KPNA7: variants seen among roughly 807,000 people sequenced by gnomAD.
KPNA7 encodes the protein importin subunit alpha-8.
KPNA7 carries 54 observed loss-of-function variants against 53.7 expected under a neutral mutation model. The ratio of observed to expected loss-of-function variants is 1.01; its 90% CI spans 0.81 to 1.26. KPNA7 has a LOEUF of 1.26. Among genes scored for constraint, KPNA7 ranks in the 50% most tolerant of loss-of-function variants. The probability of loss-of-function intolerance (pLI) is 0.00; values close to 1 mark genes in which losing one functional copy is unlikely to be tolerated. For synonymous variants in KPNA7, 276 were observed against 259.3 expected (o/e 1.06, Z -0.62); for missense variants, 640 against 644.5 (o/e 0.99, Z 0.07).
chr7:99,168,614 G>T (rs542130872), downstream of KPNA7, among the ~76,000 whole-genome samples: 2 of 152,182 alleles, frequency 1.3e-5, no homozygotes. Flanking sequence ...GGGCTCAAGT[G>T]ATCCTCCCAC....
the KPNA7 span, among the ~76,000 whole-genome samples, chr7:99,154,569 G>T: frequency 6.9e-6 from 1 of 144,164 alleles, no homozygotes; most frequent in African/African-American, 2.6e-5. Flanking sequence ...TCGCTCTGTC[G>T]CCCAGGCTGG....
intron 6 of KPNA7, 30 bp downstream of exon 6, chr7:99,192,989 A>G: frequency 6.9e-7 from 1 of 1,440,370 alleles, no homozygotes; most frequent in Non-Finnish European, 9.3e-7. Flanking sequence ...TAATTTAAAA[A>G]AAAAAAAAGA....
At chr7:99,192,932 G>T in intron 6 of KPNA7, 87 bp downstream of exon 6, 1 of 923,122 alleles carries the variant, frequency 1.1e-6, no homozygotes, top group Non-Finnish European at 1.6e-6. Context: ...AGACCAGCCT[G>T]GGCAGAATGG....
At chr7:99,157,862 C>G in the KPNA7 span, among the ~76,000 whole-genome samples, 5 of 152,110 alleles carry the variant, frequency 3.3e-5, no homozygotes, top group Non-Finnish European at 7.3e-5. Context: ...GCAGCCTCGA[C>G]CTCCTGGACT....
rs1374650851 is a variant in KPNA7 at position 99,203,198 on chromosome 7, T to C, written c.109A>G (p.Lys37Glu). The change falls in exon 3 of 11, where the codon AAG becomes GAG. Residue 37 changes from lysine to glutamate, a missense_variant. Transcript: ENST00000327442. Reference protein sequence around the residue: ...QRMAVSLELRKAKKDEQTLKR... With the variant: ...QRMAVSLELREAKKDEQTLKR... Reference sequence around the variant, plus strand: ...AAGGTCTGTTCATCTTTCTTGGCCTTTCGGAGCTCCAGACTGACCGCCATC... The same window carrying C: ...AAGGTCTGTTCATCTTTCTTGGCCTCTCGGAGCTCCAGACTGACCGCCATC... The C allele has an allele frequency of 1.4e-5, 22 of 1,551,602 alleles. No individual in the cohort carries two copies. The highest frequency in any genetic ancestry group is 1.8e-5 in the Non-Finnish European group (21 of 1,146,964).
chr7:99,148,895 GTTT>G, the KPNA7 span, among the ~76,000 whole-genome samples: 13 of 112,588 alleles, frequency 1.2e-4, no homozygotes, highest in African/African-American at 3.2e-4. Flanking sequence ...CCCAAGAACC[GTTT>G]TTTTTTTTTT....
rs1180288220 is a variant in KPNA7, at chr7:99,180,701, CTG to C, written c.1317+1180_1317+1181del. ...TCTCTCTCCCCGTCTGTGTCTCTGTCTGTGTCTCTCTCTCTCTCCGTCTGTGT... is the reference window on the plus strand; with the variant it reads ...TCTCTCTCCCCGTCTGTGTCTCTGTCTGTCTCTCTCTCTCTCCGTCTGTGT... On this transcript the variant is annotated intron_variant, in intron 9 of 10. Coordinates refer to ENST00000327442, the MANE Select transcript of KPNA7 (RefSeq NM_001145715.3). 3.4e-5 allele frequency among the ~76,000 whole-genome samples: 3 copies of C among 87,754 alleles called. 1 individual carries two copies. Among genetic ancestry groups the C allele is most frequent in the Non-Finnish European group, 7.8e-5 (3 of 38,360 alleles). The allele number at this position is 87,754 out of a possible 152,430, so 57.6% of individuals were successfully genotyped here. A position where few individuals can be genotyped will look rare whatever the true frequency, so the allele number is the denominator to read the frequency against.
the KPNA7 span, among the ~76,000 whole-genome samples, chr7:99,155,722 AT>A: frequency 4.5e-3 from 618 of 138,514 alleles, no homozygotes; most frequent in South Asian, 0.019. Flanking sequence ...CACCACACTA[AT>A]TTTTTTTTTT....
chr7:99,180,123 G>A (rs1021565157), intron 9 of KPNA7, among the ~76,000 whole-genome samples: 16 of 152,306 alleles, frequency 1.1e-4, no homozygotes, highest in African/African-American at 3.4e-4. Context: ...GCCAGCTGCC[G>A]TGATGTGAGG....
At position 99,182,035 on chromosome 7, in the gene KPNA7, A is replaced by T; in HGVS notation, c.1165T>A (p.Trp389Arg). 6.5e-7 allele frequency: 1 copy of T among 1,544,210 alleles called. No individual in the cohort carries two copies. The highest frequency in any genetic ancestry group is 8.8e-7 in the Non-Finnish European group (1 of 1,141,336). The change falls in exon 9 of 11, where the codon TGG (tryptophan) becomes AGG (arginine). Residue 389 changes from tryptophan to arginine, a missense_variant. Physicochemically the swap from Trp to Arg is moderately radical, Grantham distance 101. Coordinates refer to ENST00000327442, the MANE Select transcript of KPNA7 (RefSeq NM_001145715.3). ...CCTGTTGCAAAGTTCGCCACCATCC[A>T]GACAGCCTCTTTCTGGACTTTAAAT... ...GEFKVQKEAVWMVANFATGAT... is the reference protein window; with the variant it reads ...GEFKVQKEAVRMVANFATGAT...
the KPNA7 span, among the ~76,000 whole-genome samples, chr7:99,152,288 A>G: frequency 0.012 from 1,769 of 151,670 alleles, 33 homozygotes; most frequent in African/African-American, 0.041. Flanking sequence ...CTTGAACCCC[A>G]GAGGCAGAAG....
chr7:99,215,093 A>G (rs1791181874), intron 1 of KPNA7, among the ~76,000 whole-genome samples: 1 of 151,280 alleles, frequency 6.6e-6, no homozygotes, highest in Admixed American at 6.6e-5. Flanking sequence ...GCTATTAGAA[A>G]CTCGGCGCGG....
intron 9 of KPNA7, among the ~76,000 whole-genome samples, chr7:99,179,854 G>T (rs989960105): frequency 6.6e-6 from 1 of 152,026 alleles, no homozygotes; most frequent in Non-Finnish European, 1.5e-5. Context: ...GATTACAGGT[G>T]TAAGCCACCA....
downstream of KPNA7, among the ~76,000 whole-genome samples, chr7:99,173,294 C>T (rs1388052497): frequency 2.0e-5 from 3 of 152,056 alleles, no homozygotes; most frequent in African/African-American, 7.2e-5. Flanking sequence ...TGGGTTCAAG[C>T]AATTTTCCTG....
chr7:99,172,787 G>A (rs925950303), downstream of KPNA7, among the ~76,000 whole-genome samples: 1 of 151,958 alleles, frequency 6.6e-6, no homozygotes. Context: ...TAGAGACCAG[G>A]CATGTTGGCT....
chr7:99,160,215 A>G, the KPNA7 span, among the ~76,000 whole-genome samples: 4 of 150,814 alleles, frequency 2.7e-5, no homozygotes, highest in Non-Finnish European at 4.4e-5. Context: ...TTTAGTAGAG[A>G]CGGGGTTTCA....
At position 99,188,464 on chromosome 7, in the gene KPNA7, G is replaced by A. The variant is rs1430872222; in HGVS notation, c.736C>T (p.Leu246Phe). The A allele has an allele frequency of 2.6e-6, 4 of 1,551,598 alleles. No individual in the cohort carries two copies. Among genetic ancestry groups the A allele is most frequent in the African/African-American group, 2.7e-5 (2 of 73,036 alleles). Residue 246 changes from leucine (L) to phenylalanine (F), a missense_variant, in exon 7 of 11, where the codon CTC becomes TTC. Leu to Phe is a conservative substitution (Grantham distance 22). Transcript: ENST00000327442. ...TCCTGGTGCTGCAGGAGGTGAAGGA[G>A]GGCCGGCAGTATCTGCTTCACCGCA... ...DTAVKQILPA[L>F]LHLLQHQDSE...
At chr7:99,183,456 A>C (rs984261973) in intron 8 of KPNA7, among the ~76,000 whole-genome samples, 1 of 152,138 alleles carries the variant, frequency 6.6e-6, no homozygotes, top group South Asian at 2.1e-4. Flanking sequence ...AAAAGATACC[A>C]CTTGAAATAT....
intron 10 of KPNA7, among the ~76,000 whole-genome samples, chr7:99,174,033 G>C (rs972227759): frequency 1.3e-5 from 2 of 152,090 alleles, no homozygotes; most frequent in Non-Finnish European, 2.9e-5. Flanking sequence ...CCCCAACCCC[G>C]CATCCGTGGC....
Sources: gnomAD v4.1 joint callset for allele counts (sites outside exome capture counted in the v4.1 genomes callset) on GRCh38, gnomAD v4.1.1 for gene constraint, MANE v1.5 for transcripts, NCBI Gene and HGNC (gene_info 2026-07-23, HGNC 2026-07-21) for gene names.